Variants in TAOK1 observed in about 807,000 individuals in gnomAD.
TAOK1 encodes the protein TAO kinase 1, also known as serine/threonine-protein kinase TAO1.
In TAOK1, 21 loss-of-function variants were observed where a neutral mutation model predicts 138.3. The observed-to-expected ratio is 0.15, with a 90% confidence interval of 0.11 to 0.22. TAOK1 has a LOEUF of 0.22. TAOK1 is among the 10% of genes least tolerant of loss of function. TAOK1 has a pLI of 1.00. For missense variants in TAOK1, 651 were observed against 1,227.7 expected (o/e 0.53, Z 7.02); for synonymous variants, 361 against 398.4 (o/e 0.91, Z 1.12).
intron 1 of TAOK1, among the ~76,000 whole-genome samples, chr17:29,397,635 T>TATG (rs1567706686): frequency 1.5e-5 from 1 of 68,248 alleles, no homozygotes; most frequent in Admixed American, 1.4e-4. Context: ...TATATACATG[T>TATG]ATACATGTAT....
intron 3 of TAOK1, among the ~76,000 whole-genome samples, chr17:29,473,913 G>A (rs549955916): frequency 2.0e-5 from 3 of 152,010 alleles, no homozygotes; most frequent in Non-Finnish European, 4.4e-5. Flanking sequence ...TGTGTGTTTA[G>A]TGGAGATGGG....
chr17:29,516,857 C>T (rs576040876), intron 15 of TAOK1, among the ~76,000 whole-genome samples: 9 of 151,674 alleles, frequency 5.9e-5, no homozygotes, highest in African/African-American at 9.7e-5. Context: ...GTTTTTGAGA[C>T]GGAGTTTCAC....
chr17:29,409,073 G>A lies in TAOK1; in HGVS notation c.-95+18049G>A, dbSNP rs1236038929. Among the ~76,000 whole-genome samples, 6 of 152,094 alleles carry A rather than the reference G, an allele frequency of 3.9e-5. No homozygotes were observed. The East Asian group carries it at 9.6e-4, about 24-fold the overall frequency. On this transcript the variant is annotated intron_variant, in intron 1 of 19. Transcript: ENST00000261716. The stretch of plus-strand genomic sequence containing the variant: ...TCTTTTCTAGAGTTTCATAGAAATG[G>A]AATTATACAGTATGAAATTTTGTGT...
chr17:29,410,988 C>T (rs1229875962), intron 1 of TAOK1, among the ~76,000 whole-genome samples: 1 of 151,928 alleles, frequency 6.6e-6, no homozygotes, highest in Non-Finnish European at 1.5e-5. Flanking sequence ...CTTTTTCTCT[C>T]CCATTTCAGT....
intron 16 of TAOK1, among the ~76,000 whole-genome samples, chr17:29,520,598 A>G (rs527870578): frequency 1.3e-5 from 2 of 151,994 alleles, no homozygotes; most frequent in African/African-American, 2.4e-5. Flanking sequence ...TATTTTTAAT[A>G]GAGACTGGGT....
chr17:29,454,101 G>A (rs1195495098), intron 2 of TAOK1, among the ~76,000 whole-genome samples: 2 of 151,908 alleles, frequency 1.3e-5, no homozygotes, highest in African/African-American at 4.8e-5. Context: ...ATAGGTGTGA[G>A]CCACCACACC....
At chr17:29,448,535 T>C (rs1051585585) in intron 1 of TAOK1, among the ~76,000 whole-genome samples, 1 of 152,210 alleles carries the variant, frequency 6.6e-6, no homozygotes, top group East Asian at 1.9e-4. Flanking sequence ...TGTTTTAGTA[T>C]TTTACTCTTG....
chr17:29,505,308 A>G (rs1052617106), intron 13 of TAOK1, among the ~76,000 whole-genome samples: 34 of 152,144 alleles, frequency 2.2e-4, no homozygotes, highest in African/African-American at 8.2e-4. Flanking sequence ...ACCTGCCTTA[A>G]CCGTCTGAAA....
intron 3 of TAOK1, among the ~76,000 whole-genome samples, chr17:29,470,983 G>C (rs2030800286): frequency 6.6e-6 from 1 of 152,044 alleles, no homozygotes; most frequent in African/African-American, 2.4e-5. Flanking sequence ...AAATTAGCCA[G>C]GCATGGTTGC....
At chr17:29,524,627 T>C (rs2031976771) in intron 17 of TAOK1, among the ~76,000 whole-genome samples, 1 of 152,210 alleles carries the variant, frequency 6.6e-6, no homozygotes, top group African/African-American at 2.4e-5. Flanking sequence ...GGTGTATCTA[T>C]TTACTTAGTC....
At position 29,402,693 on chromosome 17, in the gene TAOK1, C is replaced by T. The variant is rs148789574; in HGVS notation, c.-95+11669C>T. On this transcript the variant is annotated intron_variant, in intron 1 of 19. Coordinates refer to ENST00000261716, the MANE Select transcript of TAOK1 (RefSeq NM_020791.4). ...ATATAGATTTGATTTAATTGAAATA[C>T]GTCTGTTCATAAAATTATTATGTGA... 8.2e-4 allele frequency among the ~76,000 whole-genome samples: 124 copies of T among 151,896 alleles called. 2 individuals carry two copies. In the East Asian group the frequency reaches 0.022, roughly 27 times the overall value.
chr17:29,515,525 T>C (rs2031798481), intron 15 of TAOK1, among the ~76,000 whole-genome samples: 1 of 152,112 alleles, frequency 6.6e-6, no homozygotes. Flanking sequence ...TCCTTTCCGA[T>C]TGAGTGGGTA....
chr17:29,401,435 A>G (rs1904836730), intron 1 of TAOK1, among the ~76,000 whole-genome samples: 2 of 152,128 alleles, frequency 1.3e-5, no homozygotes, highest in South Asian at 2.1e-4. Flanking sequence ...GAGAGTGTGC[A>G]TGTGTGTGGA....
intron 10 of TAOK1, among the ~76,000 whole-genome samples, chr17:29,494,555 G>A (rs372007559): frequency 2.6e-5 from 4 of 152,060 alleles, no homozygotes; most frequent in South Asian, 2.1e-4. Context: ...AGCTGGGCGC[G>A]GTGGCTCACA....
chr17:29,395,069 C>A (rs1904553730), intron 1 of TAOK1, among the ~76,000 whole-genome samples: 1 of 151,844 alleles, frequency 6.6e-6, no homozygotes, highest in South Asian at 2.1e-4. Context: ...TAGTGAGACC[C>A]TGTCTCCAAA....
In TAOK1 at chr17:29,548,198, A is replaced by AATCTTAT. The variant is rs2032432796; in HGVS notation, c.*5176_*5177insATCTTAT. 6.6e-6 allele frequency: 1 copy of AATCTTAT among 152,142 alleles called. No individual in the cohort carries two copies. Among genetic ancestry groups the AATCTTAT allele is most frequent in the Admixed American group, 6.6e-5 (1 of 15,266 alleles). 9.4% of individuals were successfully genotyped at this position (152,142 alleles called of 1,614,324 possible). A position where few individuals can be genotyped will look rare whatever the true frequency, so the allele number is the denominator to read the frequency against. On this transcript the variant is annotated 3_prime_UTR_variant, in exon 20 of 20. Transcript: ENST00000261716. ...AAGAGACTCCATTTAGCTTAACGGT[A>AATCTTAT]GTCTTTAGATCATAAGAAATATATA... is the stretch of plus-strand genomic sequence containing the variant.
chr17:29,508,568 C>T (rs537052491), intron 14 of TAOK1, among the ~76,000 whole-genome samples: 2 of 152,118 alleles, frequency 1.3e-5, no homozygotes, highest in South Asian at 4.1e-4. Context: ...CTTTTTGTTT[C>T]CTGGTTATCT....
chr17:29,458,201 G>A (rs1004991681), intron 2 of TAOK1, among the ~76,000 whole-genome samples: 1 of 152,024 alleles, frequency 6.6e-6, no homozygotes, highest in Admixed American at 6.6e-5. Flanking sequence ...TACTGTTTAC[G>A]GTTTCTGGCT....
intron 3 of TAOK1, among the ~76,000 whole-genome samples, chr17:29,472,664 C>T (rs566991159): frequency 7.3e-5 from 11 of 151,610 alleles, no homozygotes; most frequent in Admixed American, 2.0e-4. Context: ...ACCTCCGCCC[C>T]GCTGGGTTCA....
Sources: allele counts gnomAD v4.1 joint callset (sites outside exome capture counted in the v4.1 genomes callset), GRCh38; gene constraint gnomAD v4.1.1; transcripts MANE v1.5; gene names NCBI Gene and HGNC (gene_info 2026-07-23, HGNC 2026-07-21).